Variants in PLSCR4 observed in about 807,000 individuals in gnomAD.
The protein encoded by PLSCR4 is Ca(2+)-dependent phospholipid scramblase 4.
PLSCR4 carries 25 observed loss-of-function variants against 36.3 expected under a neutral mutation model. The ratio of observed to expected loss-of-function variants is 0.69; its 90% CI spans 0.50 to 0.96. PLSCR4 has a LOEUF of 0.96. PLSCR4 is among the 40% of genes least tolerant of loss of function. The probability of loss-of-function intolerance (pLI) is 0.00; values close to 1 mark genes in which losing one functional copy is unlikely to be tolerated. For synonymous variants in PLSCR4, 122 were observed against 132.9 expected (o/e 0.92, Z 0.56); for missense variants, 408 against 414.7 (o/e 0.98, Z 0.14).
chr3:146,196,542 T>C (rs2033751733), intron 7 of PLSCR4, 90 bp downstream of exon 7: 2 of 1,239,298 alleles, frequency 1.6e-6, no homozygotes, highest in Non-Finnish European at 2.3e-6. Flanking sequence ...TTCATTCACA[T>C]TAAAAAAAAA....
At chr3:146,240,041 G>A (rs1464863900) in intron 1 of PLSCR4, among the ~76,000 whole-genome samples, 2 of 151,952 alleles carry the variant, frequency 1.3e-5, no homozygotes, top group African/African-American at 4.8e-5. Context: ...AAATAAATTG[G>A]ACTCATAAAA....
intron 7 of PLSCR4, 136 bp from the exon 8 acceptor site, chr3:146,195,418 ATGGCC>A: frequency 1.2e-5 from 9 of 733,634 alleles, no homozygotes; most frequent in Admixed American, 1.0e-4. Flanking sequence ...TGAGAAAATA[ATGGCC>A]AAAAAGGGTT....
chr3:146,194,588 A>C (rs995392437), intron 8 of PLSCR4, 133 bp from the exon 9 acceptor site: 4 of 604,412 alleles, frequency 6.6e-6, no homozygotes, highest in Non-Finnish European at 8.7e-6. Context: ...AATATTTATG[A>C]AGAGCACCTA....
At chr3:146,232,456 T>A (rs747271579) in intron 1 of PLSCR4, among the ~76,000 whole-genome samples, 1 of 152,200 alleles carries the variant, frequency 6.6e-6, no homozygotes, top group African/African-American at 2.4e-5. Context: ...ATGGTATTGA[T>A]TCTTCCTATC....
At chr3:146,213,575 G>A (rs906798137) in intron 3 of PLSCR4, among the ~76,000 whole-genome samples, 1 of 151,992 alleles carries the variant, frequency 6.6e-6, no homozygotes, top group Non-Finnish European at 1.5e-5. Flanking sequence ...CACCCGCCTC[G>A]GATTCCCAAA....
chr3:146,245,808 CTTGTA>C (rs1447397738), intron 1 of PLSCR4, among the ~76,000 whole-genome samples: 1 of 152,014 alleles, frequency 6.6e-6, no homozygotes, highest in African/African-American at 2.4e-5. Flanking sequence ...AATGTACTCT[CTTGTA>C]GTGAATCTGT....
chr3:146,242,620 A>G (rs1359023116), intron 1 of PLSCR4, among the ~76,000 whole-genome samples: 5 of 152,204 alleles, frequency 3.3e-5, no homozygotes, highest in African/African-American at 1.2e-4. Context: ...TAAAAGACAT[A>G]GAATCATGGG....
intron 3 of PLSCR4, among the ~76,000 whole-genome samples, chr3:146,208,404 T>A (rs1463643524): frequency 1.3e-5 from 2 of 151,952 alleles, no homozygotes; most frequent in Admixed American, 1.3e-4. Flanking sequence ...CAAAAGCAAA[T>A]GCAACAAAAG....
At chr3:146,247,168 G>A (rs367684119) in intron 1 of PLSCR4, among the ~76,000 whole-genome samples, 4 of 151,882 alleles carry the variant, frequency 2.6e-5, no homozygotes, top group African/African-American at 7.3e-5. Flanking sequence ...AAGTTAAATC[G>A]TTTCCAAATT....
intron 3 of PLSCR4, among the ~76,000 whole-genome samples, chr3:146,212,424 GT>G (rs1211837861): frequency 8.1e-6 from 1 of 123,600 alleles, no homozygotes; most frequent in East Asian, 2.3e-4. Flanking sequence ...GTATATATGG[GT>G]TTTTTTGTTT....
In PLSCR4 at chr3:146,193,375, T is replaced by C. The variant is rs1024811171; in HGVS notation, c.*1036A>G. 1.3e-5 allele frequency: 2 copies of C among 152,088 alleles called. No individual in the cohort carries two copies. The highest frequency in any genetic ancestry group is 2.1e-4 in the South Asian group (1 of 4,826). 9.4% of individuals were successfully genotyped at this position (152,088 alleles called of 1,614,324 possible). A position where few individuals can be genotyped will look rare whatever the true frequency, so the allele number is the denominator to read the frequency against. On this transcript the variant is annotated 3_prime_UTR_variant, in exon 9 of 9. Coordinates refer to ENST00000354952, the MANE Select transcript of PLSCR4 (RefSeq NM_020353.3). ...TAAAGTGCTACATAAAATGTCATAT[T>C]TCCAAATTTAAAAACATAACTCCAG...
chr3:146,216,746 C>T (rs1452263057), intron 3 of PLSCR4, among the ~76,000 whole-genome samples: 1 of 152,060 alleles, frequency 6.6e-6, no homozygotes, highest in African/African-American at 2.4e-5. Flanking sequence ...GCACCCCAGG[C>T]GTGATTCTAT....
Position 146,194,464 on chromosome 3 carries a change from G to C in PLSCR4, c.946-9C>G. The C allele has an allele frequency of 6.4e-7, 1 of 1,560,504 alleles. No homozygotes were observed. The highest frequency in any genetic ancestry group is 8.8e-7 in the Non-Finnish European group (1 of 1,131,636). On this transcript the variant is annotated splice_polypyrimidine_tract_variant and intron_variant, in intron 8 of 8. Coordinates refer to ENST00000354952, the MANE Select transcript of PLSCR4 (RefSeq NM_020353.3). Reference sequence around the variant, plus strand: ...TCAAAATACATGAAGTCCTGAAATTGGAAAAAGAATTATATGTAGATATAT... The same window carrying C: ...TCAAAATACATGAAGTCCTGAAATTCGAAAAAGAATTATATGTAGATATAT...
intron 1 of PLSCR4, among the ~76,000 whole-genome samples, chr3:146,240,532 G>T (rs1427796584): frequency 6.6e-6 from 1 of 152,186 alleles, no homozygotes; most frequent in Non-Finnish European, 1.5e-5. Flanking sequence ...TTGAGACCAG[G>T]AGTTCGAGGC....
At chr3:146,225,483 G>C (rs1448576900) in intron 1 of PLSCR4, among the ~76,000 whole-genome samples, 1 of 152,198 alleles carries the variant, frequency 6.6e-6, no homozygotes. Flanking sequence ...GGAGCAGGGG[G>C]TGGTGCTCGT....
chr3:146,204,575 A>G (rs2034221344), intron 4 of PLSCR4, among the ~76,000 whole-genome samples: 1 of 151,938 alleles, frequency 6.6e-6, no homozygotes, highest in Non-Finnish European at 1.5e-5. Flanking sequence ...CCTGGGTCCA[A>G]ACCTGTGTTT....
At chr3:146,236,093 G>GA (rs1390065805) in intron 1 of PLSCR4, among the ~76,000 whole-genome samples, 1 of 152,076 alleles carries the variant, frequency 6.6e-6, no homozygotes, top group Non-Finnish European at 1.5e-5. Context: ...CCATGTGGTA[G>GA]AAAAAAAAAC....
intron 3 of PLSCR4, among the ~76,000 whole-genome samples, chr3:146,215,681 A>G (rs2034862679): frequency 2.0e-5 from 3 of 152,178 alleles, no homozygotes; most frequent in African/African-American, 4.8e-5. Flanking sequence ...TTTTCAGTTC[A>G]GATGACAGCT....
intron 3 of PLSCR4, among the ~76,000 whole-genome samples, chr3:146,208,020 C>T (rs1048440351): frequency 1.3e-5 from 2 of 152,078 alleles, no homozygotes; most frequent in African/African-American, 4.8e-5. Context: ...CATCACATTA[C>T]TTGATTTCAA....
Sources: gnomAD v4.1 joint callset for allele counts (sites outside exome capture counted in the v4.1 genomes callset) on GRCh38, gnomAD v4.1.1 for gene constraint, MANE v1.5 for transcripts, NCBI Gene and HGNC (gene_info 2026-07-23, HGNC 2026-07-21) for gene names.